The following ESRRG variants were observed in gnomAD, a reference collection of about 807,000 sequenced individuals.
The protein encoded by ESRRG is estrogen related receptor gamma.
A neutral mutation model predicts 44.0 loss-of-function variants in ESRRG; 13 were observed. The ratio of observed to expected loss-of-function variants is 0.30; its 90% CI spans 0.19 to 0.47. The LOEUF is 0.47. ESRRG is among the 20% of genes least tolerant of loss of function. The probability of loss-of-function intolerance (pLI) is 1.00; values close to 1 mark genes in which losing one functional copy is unlikely to be tolerated. For missense variants in ESRRG, 395 were observed against 580.6 expected, an observed-to-expected ratio of 0.68 and a Z score of 3.29; for synonymous variants, 215 against 214.6, an observed-to-expected ratio of 1.00 and a Z score of -0.02.
chr1:217,050,565 A>G (rs1282819252), intron 1 of ESRRG, among the ~76,000 whole-genome samples: 1 of 152,154 alleles, frequency 6.6e-6, no homozygotes, highest in Non-Finnish European at 1.5e-5. Flanking sequence ...CTGGGGATCA[A>G]TTGACAAAAT....
At chr1:216,654,721 AT>A (rs1355683321) in intron 2 of ESRRG, among the ~76,000 whole-genome samples, 3 of 152,116 alleles carry the variant, frequency 2.0e-5, no homozygotes, top group African/African-American at 7.2e-5. Flanking sequence ...AAGGGGAAAG[AT>A]TATGAAAAAA....
chr1:216,782,345 G>A lies in ESRRG; in HGVS notation c.-13-104854C>T, dbSNP rs577111991. 3.9e-5 allele frequency among the ~76,000 whole-genome samples: 6 copies of A among 152,046 alleles called. No homozygotes were observed. In the East Asian group the frequency reaches 9.7e-4, roughly 25 times the overall value. On this transcript the variant is annotated intron_variant, in intron 2 of 7. Transcript: ENST00000359162. The stretch of plus-strand genomic sequence containing the variant: ...ATGGCATGATTCCTTCCTTCTTGGG[G>A]TGATAAGTATTTTCTCTCTGTCTCT...
intron 1 of ESRRG, among the ~76,000 whole-genome samples, chr1:217,133,657 T>TTCTCTCTCTC (rs1264867048): frequency 5.1e-5 from 3 of 59,138 alleles, no homozygotes; most frequent in African/African-American, 1.5e-4. Context: ...CTTTCTTTCT[T>TTCTCTCTCTC]TCTTTCTTTC....
chr1:216,722,202 G>T (rs997979026), intron 1 of ESRRG, among the ~76,000 whole-genome samples: 2 of 152,210 alleles, frequency 1.3e-5, no homozygotes, highest in South Asian at 4.1e-4. Context: ...AGAAATGTTT[G>T]CCAAGGGCAC....
Position 216,809,900 on chromosome 1 carries a change from C to T in ESRRG, c.-14+129682G>A, listed in dbSNP as rs573247996. Among the ~76,000 whole-genome samples the T allele has an allele frequency of 7.2e-5, 11 of 152,298 alleles. No homozygotes were observed. The South Asian group carries it at 2.3e-3, about 32-fold the overall frequency. ...CTCTACCACCTTGCACAGAGCTAAA[C>T]ATCTCTTTATGTCAGAACAAATTGA... On this transcript the variant is annotated intron_variant, in intron 2 of 7. Transcript: ENST00000359162.
chr1:217,023,409 G>A (rs2080675847), intron 1 of ESRRG, among the ~76,000 whole-genome samples: 1 of 152,106 alleles, frequency 6.6e-6, no homozygotes, highest in South Asian at 2.1e-4. Context: ...GTTTCCTGGA[G>A]CTTCAAGTTA....
chr1:216,836,362 A>G (rs1191555941), intron 2 of ESRRG, among the ~76,000 whole-genome samples: 1 of 152,266 alleles, frequency 6.6e-6, no homozygotes, highest in East Asian at 1.9e-4. Context: ...GACAGGAAGA[A>G]TAAGAGAAAA....
At chr1:216,964,023 G>C (rs1330609485) in intron 1 of ESRRG, among the ~76,000 whole-genome samples, 1 of 152,152 alleles carries the variant, frequency 6.6e-6, no homozygotes, top group Non-Finnish European at 1.5e-5. Flanking sequence ...TTTCTAAGCA[G>C]ACAGAACAGC....
At chr1:216,875,197 G>A (rs951342876) in intron 2 of ESRRG, among the ~76,000 whole-genome samples, 14 of 152,078 alleles carry the variant, frequency 9.2e-5, no homozygotes, top group Non-Finnish European at 1.9e-4. Context: ...CCCTGAAAAA[G>A]ACAGTGTTTG....
At chr1:217,097,928 A>G (rs181027472) in intron 1 of ESRRG, among the ~76,000 whole-genome samples, 5 of 152,208 alleles carry the variant, frequency 3.3e-5, no homozygotes, top group African/African-American at 1.2e-4. Flanking sequence ...TCACTTGGAA[A>G]GCTTTTTAAA....
At chr1:216,586,637 C>T (rs1478530659) in intron 3 of ESRRG, among the ~76,000 whole-genome samples, 1 of 144,412 alleles carries the variant, frequency 6.9e-6, no homozygotes, top group Admixed American at 7.3e-5. Context: ...GGTGCAGTGG[C>T]ACCATCTCGG....
At chr1:216,585,017 T>C (rs1443178542) in intron 3 of ESRRG, among the ~76,000 whole-genome samples, 1 of 152,242 alleles carries the variant, frequency 6.6e-6, no homozygotes, top group South Asian at 2.1e-4. Flanking sequence ...GGAATTATTT[T>C]AATTATTGGC....
At chr1:216,837,796 G>A (rs1357139188) in intron 2 of ESRRG, among the ~76,000 whole-genome samples, 1 of 152,162 alleles carries the variant, frequency 6.6e-6, no homozygotes, top group African/African-American at 2.4e-5. Flanking sequence ...AATTTAAAAG[G>A]GTTGAAGAGA....
intron 2 of ESRRG, among the ~76,000 whole-genome samples, chr1:216,924,412 C>T (rs938110947): frequency 3.4e-4 from 51 of 152,138 alleles, no homozygotes; most frequent in African/African-American, 1.9e-4. Flanking sequence ...AGGCTGCCTC[C>T]GAGACCAAAG....
At chr1:216,735,783 A>G (rs1308083577) in intron 2 of ESRRG, among the ~76,000 whole-genome samples, 1 of 151,862 alleles carries the variant, frequency 6.6e-6, no homozygotes, top group East Asian at 2.0e-4. Flanking sequence ...GTTCAAGATC[A>G]GCCTGGCCAA....
chr1:216,902,564 G>A (rs1450543701), intron 2 of ESRRG, among the ~76,000 whole-genome samples: 1 of 151,938 alleles, frequency 6.6e-6, no homozygotes, highest in Non-Finnish European at 1.5e-5. Context: ...AAACCACGAA[G>A]TCTCTTCTGT....
rs77041148 is a variant in ESRRG at position 216,940,429 on chromosome 1, C to T, written c.-105-756G>A. On this transcript the variant is annotated intron_variant, in intron 1 of 7. Coordinates refer to the ESRRG transcript ENST00000359162. ...GACTGTTCAGAGCAACAAAGCAATC[C>T]CTTGGATATCCGGGGAAATTCTGTG... Among the ~76,000 whole-genome samples, 65 of 152,210 alleles carry T rather than the reference C, an allele frequency of 4.3e-4. No homozygotes were observed. In the East Asian group the frequency reaches 0.012, roughly 28 times the overall value.
chr1:216,633,618 T>C (rs758533875), intron 3 of ESRRG, among the ~76,000 whole-genome samples: 2 of 152,196 alleles, frequency 1.3e-5, no homozygotes, highest in Non-Finnish European at 1.5e-5. Flanking sequence ...GGATCCTCAG[T>C]TCTGAAAATA....
At chr1:216,899,200 A>G (rs985792574) in intron 2 of ESRRG, among the ~76,000 whole-genome samples, 2 of 152,170 alleles carry the variant, frequency 1.3e-5, no homozygotes, top group African/African-American at 4.8e-5. Flanking sequence ...AGTACTAAAG[A>G]CACCTGGACT....
Sources: allele counts gnomAD v4.1 joint callset (sites outside exome capture counted in the v4.1 genomes callset), GRCh38; gene constraint gnomAD v4.1.1; transcripts MANE v1.5; gene names NCBI Gene and HGNC (gene_info 2026-07-23, HGNC 2026-07-21).